PASK: variants seen among roughly 807,000 people sequenced by gnomAD.
The protein encoded by PASK is PAS domain containing serine/threonine kinase.
Under a neutral mutation model 121.0 loss-of-function variants are expected in PASK, and 110 were observed. That is an observed-to-expected ratio of 0.91 (90% CI 0.78 to 1.06). The LOEUF (loss-of-function observed/expected upper bound fraction) is 1.06. Ranked by LOEUF, PASK falls within the 50% of genes least tolerant of loss-of-function variation. The pLI, the probability that PASK is intolerant of heterozygous loss-of-function variation, is 0.00. For missense variants in PASK, 1,643 were observed against 1,702.3 expected, an observed-to-expected ratio of 0.97 and a Z score of 0.61; for synonymous variants, 686 against 717.8, an observed-to-expected ratio of 0.96 and a Z score of 0.71.
rs1446747777 is a variant in PASK at position 241,137,191 on chromosome 2, G to C, written c.950C>G (p.Ser317Cys). 1 of 1,612,828 alleles carries C rather than the reference G, an allele frequency of 6.2e-7. No individual in the cohort carries two copies. Among genetic ancestry groups the C allele is most frequent in the Non-Finnish European group, 8.5e-7 (1 of 1,178,898 alleles). The stretch of plus-strand genomic sequence containing the variant: ...GGTCGCCTCCTCGCTGCTGGGTTGG[G>C]ATTTCAGCTTTAAGCTCAGAGGGAA... ...TTFPLSLKLK[S>C]QPSSEEATTG... is the part of the protein sequence containing the mutation. The change falls in exon 7 of 18, where the codon TCC becomes TGC. Residue 317 changes from serine to cysteine, a missense_variant. Ser to Cys is a moderately radical substitution (Grantham distance 112). Coordinates refer to ENST00000234040, the MANE Select transcript of PASK (RefSeq NM_015148.4).
chr2:241,121,916 T>C (rs1208608426), intron 12 of PASK, among the ~76,000 whole-genome samples: 1 of 152,104 alleles, frequency 6.6e-6, no homozygotes, highest in Non-Finnish European at 1.5e-5. Context: ...AATACAAGCA[T>C]CAACAAATTT....
intron 12 of PASK, among the ~76,000 whole-genome samples, chr2:241,115,953 ACGCCGGGGC>A: frequency 1.2e-5 from 1 of 84,386 alleles, no homozygotes; most frequent in Non-Finnish European, 1.9e-5. Flanking sequence ...GCATCCCATT[ACGCCGGGGC>A]CACCTGGTCC....
At chr2:241,111,962 G>C (rs6715783) in intron 15 of PASK, among the ~76,000 whole-genome samples, 1 of 152,214 alleles carries the variant, frequency 6.6e-6, no homozygotes, top group Admixed American at 6.5e-5. Context: ...GCCATTTTGG[G>C]GGACTCTTCA....
rs142896821 is a variant in PASK at position 241,106,611 on chromosome 2, G to A, written c.3927C>T (p.Gly1309=). ...GATCCCCGGGATGCAAACAGCCTTG[G>A]CCATTAGGAGCCTCGCCTGGAACGG... is the stretch of plus-strand genomic sequence containing the variant. ...GGPVPGEAPN[G]QGCLHPGDPR... Residue 1309 remains glycine (G), a synonymous_variant, in exon 18 of 18, where the codon GGC becomes GGT. Coordinates refer to ENST00000234040, the MANE Select transcript of PASK (RefSeq NM_015148.4). 410 of 1,614,224 alleles carry A rather than the reference G, an allele frequency of 2.5e-4. 1 individual carries two copies. The African/African-American group carries it at 4.4e-3, about 17-fold the overall frequency.
Position 241,126,228 on chromosome 2 carries a change from C to T in PASK, c.2687G>A (p.Gly896Glu), listed in dbSNP as rs763762031. ...QREIQEGAYS[G>E]SCYHRDGLRL... is the part of the protein sequence containing the mutation. Reference sequence around the variant, plus strand: ...TAAGCCATCTCGATGGTAGCAGCTCCCGGAGTAGGCACCCTCCTGGATCTC... The same window carrying T: ...TAAGCCATCTCGATGGTAGCAGCTCTCGGAGTAGGCACCCTCCTGGATCTC... Residue 896 changes from glycine to glutamate, a missense_variant, in exon 10 of 18, where the codon GGG (glycine) becomes GAG (glutamate). By Grantham distance (98) the Gly-to-Glu change is moderately conservative. Around this residue, in one of 3 missense-constraint regions of PASK, gnomAD observed 1,176 missense variants for 1,162.2 expected, o/e 1.01. Coordinates refer to ENST00000234040, the MANE Select transcript of PASK (RefSeq NM_015148.4). 5.6e-6 allele frequency: 9 copies of T among 1,614,102 alleles called. No homozygotes were observed. The highest frequency in any genetic ancestry group is 7.6e-6 in the Non-Finnish European group (9 of 1,180,032).
chr2:241,142,805 C>A (rs774833259), intron 2 of PASK, 32 bp downstream of exon 2: 2 of 1,488,984 alleles, frequency 1.3e-6, no homozygotes, highest in Non-Finnish European at 1.9e-6. Context: ...TATTTCCACG[C>A]GCTAAGGCCT....
rs1332762377 is a variant in PASK at position 241,139,706 on chromosome 2, C to A, written c.600+179G>T. 4.2e-6 allele frequency: 3 copies of A among 717,544 alleles called. No individual in the cohort carries two copies. The African/African-American group carries it at 5.2e-5, about 13-fold the overall frequency. The allele number at this position is 717,544 out of a possible 1,614,324, so 44.4% of individuals were successfully genotyped here. A position where few individuals can be genotyped will look rare whatever the true frequency, so the allele number is the denominator to read the frequency against. On this transcript the variant is annotated intron_variant, in intron 4 of 17. Coordinates refer to ENST00000234040, the MANE Select transcript of PASK (RefSeq NM_015148.4). ...ATGATTCGTTCTTAAAGGGCCCCCA[C>A]CCCCACTGCAGCTGAAGCGGGGAAA...
At chr2:241,135,768 G>C in intron 8 of PASK, 103 bp downstream of exon 8, 2 of 1,133,912 alleles carry the variant, frequency 1.8e-6, no homozygotes, top group Non-Finnish European at 2.6e-6. Context: ...CTGAGCCTCT[G>C]GAGGGACAAT....
chr2:241,144,081 G>GGT (rs143364489), intron 1 of PASK, among the ~76,000 whole-genome samples: 12 of 151,820 alleles, frequency 7.9e-5, no homozygotes, highest in African/African-American at 9.7e-5. Context: ...TTTACCTGCA[G>GGT]GTGTGTGTGT....
chr2:241,145,573 A>C (rs2066914438), intron 1 of PASK, among the ~76,000 whole-genome samples: 1 of 152,000 alleles, frequency 6.6e-6, no homozygotes, highest in African/African-American at 2.4e-5. Context: ...TAGCTATAAA[A>C]TAAGATTAAT....
Position 241,112,274 on chromosome 2 carries a change from C to T in PASK, c.3499G>A (p.Glu1167Lys), listed in dbSNP as rs761086145. The T allele has an allele frequency of 8.1e-6, 13 of 1,613,798 alleles. No individual in the cohort carries two copies. In the South Asian group the frequency reaches 1.1e-4, roughly 14 times the overall value. The change falls in exon 15 of 18, where the codon GAG (glutamate) becomes AAG (lysine). Residue 1167 changes from glutamate to lysine, a missense_variant. By Grantham distance (56) the Glu-to-Lys change is moderately conservative. Transcript: ENST00000234040. The surrounding 1 kb of genome is among the most constrained non-coding windows in gnomAD (Gnocchi z 5.2). ...ATGAGAACTTCCGGTGCACAGTACTCGATGGTCCCACAAAAAGTATAAAAT... is the reference window on the plus strand; with the variant it reads ...ATGAGAACTTCCGGTGCACAGTACTTGATGGTCCCACAAAAAGTATAAAAT... ...KLFYTFCGTI[E>K]YCAPEVLMGN... is the part of the protein sequence containing the mutation.
At position 241,132,949 on chromosome 2, in the gene PASK, A is replaced by T. The variant is rs2066233812; in HGVS notation, c.1388T>A (p.Ile463Asn). 3.7e-6 allele frequency: 6 copies of T among 1,613,928 alleles called. No homozygotes were observed. The highest frequency in any genetic ancestry group is 5.1e-6 in the Non-Finnish European group (6 of 1,179,840). ...EIRKLMESQDIFTGTQTELIA... is the reference protein window; with the variant it reads ...EIRKLMESQDNFTGTQTELIA... Reference sequence around the variant, plus strand: ...CAGCTCAGTCTGAGTCCCGGTGAAGATGTCTTGGCTTTCCATCAGCTTCCG... The same window carrying T: ...CAGCTCAGTCTGAGTCCCGGTGAAGTTGTCTTGGCTTTCCATCAGCTTCCG... The change falls in exon 9 of 18, where the codon ATC becomes AAC. Residue 463 changes from isoleucine to asparagine, a missense_variant. Physicochemically the swap from Ile to Asn is moderately radical, Grantham distance 149. Around this residue, in one of 3 missense-constraint regions of PASK, gnomAD observed 1,176 missense variants for 1,162.2 expected, o/e 1.01. Transcript: ENST00000234040.
At chr2:241,131,212 G>A (rs373816904) in intron 9 of PASK, among the ~76,000 whole-genome samples, 86 of 150,912 alleles carry the variant, frequency 5.7e-4, no homozygotes, top group African/African-American at 1.8e-3. Flanking sequence ...GCAGTGGCGC[G>A]ATCTAGGCTC....
In PASK at chr2:241,132,982, T is replaced by A; in HGVS notation, c.1355A>T (p.Asp452Val). The A allele has an allele frequency of 6.2e-7, 1 of 1,614,068 alleles. No individual in the cohort carries two copies. The highest frequency in any genetic ancestry group is 8.5e-7 in the Non-Finnish European group (1 of 1,179,968). Residue 452 changes from aspartate (D) to valine (V), a missense_variant, in exon 9 of 18, where the codon GAT (aspartate) becomes GTT (valine). Coordinates refer to ENST00000234040, the MANE Select transcript of PASK (RefSeq NM_015148.4). ...GCTTTCCATCAGCTTCCGGATCTCA[T>A]CTCGGGGCACAACGTGGCCACCAGC... ...VLAGGHVVPR[D>V]EIRKLMESQD... is the part of the protein sequence containing the mutation.
At position 241,137,141 on chromosome 2, in the gene PASK, C is replaced by G; in HGVS notation, c.1000G>C (p.Gly334Arg). Residue 334 changes from glycine (G) to arginine (R), a missense_variant, in exon 7 of 18, where the codon GGC (glycine) becomes CGC (arginine). Gly to Arg is a moderately radical substitution (Grantham distance 125, BLOSUM62 -2). Transcript: ENST00000234040. ...AACACCCAGACAGATGCCCGGTAGC[C>G]GCTCACAGGGGCCGCCTCACCGGTG... is the stretch of plus-strand genomic sequence containing the variant. ...ATTGEAAPVS[G>R]YRASVWVFCT... 6.2e-7 allele frequency: 1 copy of G among 1,613,802 alleles called. No homozygotes were observed. Among genetic ancestry groups the G allele is most frequent in the Non-Finnish European group, 8.5e-7 (1 of 1,179,930 alleles).
At chr2:241,124,441 A>G (rs2065761285) in intron 10 of PASK, among the ~76,000 whole-genome samples, 1 of 152,242 alleles carries the variant, frequency 6.6e-6, no homozygotes, top group Admixed American at 6.5e-5. Flanking sequence ...AGAGGCCTGT[A>G]GCGGAGGGTG....
intron 9 of PASK, among the ~76,000 whole-genome samples, chr2:241,131,150 A>ATTT (rs58426249): frequency 7.1e-6 from 1 of 141,838 alleles, no homozygotes; most frequent in Non-Finnish European, 1.5e-5. Flanking sequence ...CATGTATTAC[A>ATTT]TTTTTTTTTT....
intron 7 of PASK, among the ~76,000 whole-genome samples, chr2:241,136,564 A>C (rs1397688776): frequency 6.6e-6 from 1 of 152,210 alleles, no homozygotes; most frequent in Non-Finnish European, 1.5e-5. Flanking sequence ...CCATGCCCCC[A>C]AAATCCCTGC....
intron 12 of PASK, among the ~76,000 whole-genome samples, chr2:241,121,344 T>C (rs1331126182): frequency 2.0e-5 from 3 of 152,336 alleles, no homozygotes; most frequent in African/African-American, 7.2e-5. Context: ...ATGTGAACTA[T>C]ATCTCAATAC....
Sources: allele counts gnomAD v4.1 joint callset (sites outside exome capture counted in the v4.1 genomes callset), GRCh38; gene constraint gnomAD v4.1.1; regional missense constraint gnomAD v4.1.1; non-coding constraint Gnocchi (gnomAD v3.1); transcripts MANE v1.5; gene names NCBI Gene and HGNC (gene_info 2026-07-23, HGNC 2026-07-21).